RSRC1: variants seen among roughly 807,000 people sequenced by gnomAD.
The protein encoded by RSRC1 is arginine and serine rich coiled-coil 1.
A neutral mutation model predicts 49.1 loss-of-function variants in RSRC1; 39 were observed. That is an observed-to-expected ratio of 0.79 (90% CI 0.61 to 1.04). RSRC1 has a LOEUF of 1.04. Ranked by LOEUF, RSRC1 falls within the 50% of genes least tolerant of loss-of-function variation. The pLI, the probability that RSRC1 is intolerant of heterozygous loss-of-function variation, is 0.00. For synonymous variants in RSRC1, 143 were observed against 130.8 expected (o/e 1.09, Z -0.63); for missense variants, 388 against 402.4 (o/e 0.96, Z 0.31).
rs930028475 is a variant in RSRC1, at chr3:158,514,583, T to C, written c.653-22509T>C. Among the ~76,000 whole-genome samples the C allele has an allele frequency of 2.4e-4, 36 of 152,074 alleles. 1 individual carries two copies. The highest frequency in any genetic ancestry group is 1.0e-4 in the Non-Finnish European group (7 of 68,032). ...AGGTGTGGTGTGGTGCTGAAAAAAA[T>C]GTATATTCTGTTGATTTGGGATGGA... is the stretch of plus-strand genomic sequence containing the variant. On this transcript the variant is annotated intron_variant, in intron 7 of 9. Coordinates refer to ENST00000611884, the MANE Select transcript of RSRC1 (RefSeq NM_001271838.2).
intron 6 of RSRC1, among the ~76,000 whole-genome samples, chr3:158,422,894 A>G (rs2108341422): frequency 6.6e-6 from 1 of 151,938 alleles, no homozygotes; most frequent in East Asian, 1.9e-4. Flanking sequence ...GTGTCTGTTC[A>G]TGTCCTTCGC....
chr3:158,409,037 ATAATAATAATAATAAT>A (rs1192463212), intron 6 of RSRC1, among the ~76,000 whole-genome samples: 3 of 151,956 alleles, frequency 2.0e-5, no homozygotes, highest in Non-Finnish European at 4.4e-5. Context: ...CGTCTGAATA[ATAATAATAATAATAAT>A]TAATAAAATA....
At chr3:158,227,058 T>C (rs6762923) in intron 4 of RSRC1, among the ~76,000 whole-genome samples, 1,789 of 151,984 alleles carry the variant, frequency 0.012, 30 homozygotes, top group African/African-American at 0.041. Flanking sequence ...TACTAAGATA[T>C]AAGATTTTGT....
chr3:158,173,192 A>G (rs993527295), intron 3 of RSRC1, among the ~76,000 whole-genome samples: 4 of 151,974 alleles, frequency 2.6e-5, no homozygotes, highest in Admixed American at 6.6e-5. Context: ...TATACTTTAT[A>G]TGCATTTAAA....
intron 4 of RSRC1, among the ~76,000 whole-genome samples, chr3:158,237,126 C>A (rs1723289389): frequency 6.6e-6 from 1 of 152,156 alleles, no homozygotes. Context: ...TGACCTAAAT[C>A]TTATGATCAG....
At chr3:158,296,353 C>T (rs1015967684) in intron 4 of RSRC1, among the ~76,000 whole-genome samples, 1 of 151,782 alleles carries the variant, frequency 6.6e-6, no homozygotes, top group East Asian at 1.9e-4. Flanking sequence ...TACACACACA[C>T]GAGTGCATAT....
At chr3:158,296,309 A>G (rs1727234396) in intron 4 of RSRC1, among the ~76,000 whole-genome samples, 1 of 151,968 alleles carries the variant, frequency 6.6e-6, no homozygotes. Context: ...ACAAACATAG[A>G]AGGGAGAAAG....
intron 4 of RSRC1, among the ~76,000 whole-genome samples, chr3:158,223,944 ACT>A (rs1312618461): frequency 2.0e-5 from 3 of 151,686 alleles, no homozygotes; most frequent in Non-Finnish European, 4.4e-5. Flanking sequence ...TTTCCTGAAC[ACT>A]GATTGTAAAT....
At chr3:158,158,224 A>G (rs1343837440) in intron 3 of RSRC1, among the ~76,000 whole-genome samples, 1 of 152,196 alleles carries the variant, frequency 6.6e-6, no homozygotes, top group East Asian at 1.9e-4. Flanking sequence ...ACTCTTGAAC[A>G]ACATGGGTTT....
intron 4 of RSRC1, among the ~76,000 whole-genome samples, chr3:158,297,703 TAAAC>T (rs138700558): frequency 0.043 from 6,588 of 151,998 alleles, 168 homozygotes; most frequent in African/African-American, 0.064. Flanking sequence ...ATGTTGGAAA[TAAAC>T]AATAATATAA....
At chr3:158,217,157 G>A (rs1398534237) in intron 4 of RSRC1, among the ~76,000 whole-genome samples, 1 of 151,230 alleles carries the variant, frequency 6.6e-6, no homozygotes, top group Non-Finnish European at 1.5e-5. Context: ...GTACCTTCAG[G>A]GTTGCTAGAA....
chr3:158,458,753 G>A lies in RSRC1; in HGVS notation c.584-2182G>A, dbSNP rs141518390. On this transcript the variant is annotated intron_variant, in intron 6 of 9. Coordinates refer to ENST00000611884, the MANE Select transcript of RSRC1 (RefSeq NM_001271838.2). ...TATGCTCTTTGGTGTCAAATTTCAT[G>A]GCACATCTAGTAAGATTCAGTATCC... 1.8e-4 allele frequency among the ~76,000 whole-genome samples: 28 copies of A among 152,200 alleles called. No individual in the cohort carries two copies. In the East Asian group the frequency reaches 3.1e-3, roughly 17 times the overall value.
At position 158,209,276 on chromosome 3, in the gene RSRC1, A is replaced by T. The variant is rs903069695; in HGVS notation, c.494+6031A>T. On this transcript the variant is annotated intron_variant, in intron 4 of 9. Transcript: ENST00000611884. ...TAATGCAGTTATCAAGGGAGTGGGTATGCTATCATGGGAGTAGGTTTCTTA... is the reference window on the plus strand; with the variant it reads ...TAATGCAGTTATCAAGGGAGTGGGTTTGCTATCATGGGAGTAGGTTTCTTA... Among the ~76,000 whole-genome samples, 6 of 152,066 alleles carry T rather than the reference A, an allele frequency of 3.9e-5. No homozygotes were observed. In the South Asian group the frequency reaches 6.2e-4, roughly 16 times the overall value.
intron 4 of RSRC1, among the ~76,000 whole-genome samples, chr3:158,243,726 G>C (rs1393322769): frequency 6.6e-6 from 1 of 152,010 alleles, no homozygotes; most frequent in African/African-American, 2.4e-5. Flanking sequence ...TTGAGCACTG[G>C]TTCTTAGTTC....
intron 6 of RSRC1, among the ~76,000 whole-genome samples, chr3:158,368,739 T>C (rs1272413557): frequency 6.6e-6 from 1 of 152,212 alleles, no homozygotes; most frequent in African/African-American, 2.4e-5. Flanking sequence ...CATTGTAACT[T>C]ATCTATTGTA....
intron 3 of RSRC1, among the ~76,000 whole-genome samples, chr3:158,160,150 G>A (rs1718134437): frequency 6.6e-6 from 1 of 152,118 alleles, no homozygotes; most frequent in Admixed American, 6.6e-5. Flanking sequence ...TCCTGCCACA[G>A]GTAGTTATTA....
At chr3:158,340,538 C>G (rs1164888684) in intron 5 of RSRC1, among the ~76,000 whole-genome samples, 1 of 151,898 alleles carries the variant, frequency 6.6e-6, no homozygotes, top group Non-Finnish European at 1.5e-5. Flanking sequence ...AAGAGTCCGT[C>G]TCAAAAAAAG....
At chr3:158,130,477 G>A (rs997259135) in intron 3 of RSRC1, among the ~76,000 whole-genome samples, 5 of 152,114 alleles carry the variant, frequency 3.3e-5, no homozygotes, top group African/African-American at 1.2e-4. Flanking sequence ...GACCTAAAGT[G>A]TTTTGGATTT....
At chr3:158,497,120 G>A (rs1442346064) in intron 7 of RSRC1, among the ~76,000 whole-genome samples, 1 of 151,978 alleles carries the variant, frequency 6.6e-6, no homozygotes, top group East Asian at 1.9e-4. Context: ...GTAGTGTTAT[G>A]TATATTCACA....
Sources: gnomAD v4.1 joint callset for allele counts (sites outside exome capture counted in the v4.1 genomes callset) on GRCh38, gnomAD v4.1.1 for gene constraint, MANE v1.5 for transcripts, NCBI Gene and HGNC (gene_info 2026-07-23, HGNC 2026-07-21) for gene names.